Variants in HDAC8 observed in about 807,000 individuals in gnomAD.
The protein encoded by HDAC8 is histone deacetylase-like 1.
Under a neutral mutation model 32.2 loss-of-function variants are expected in HDAC8, and 1 was observed. The ratio of observed to expected loss-of-function variants is 0.03; its 90% confidence interval spans 0.01 to 0.15. The LOEUF is 0.15. Among genes scored for constraint, HDAC8 ranks in the 10% least tolerant of loss-of-function variants. HDAC8 has a pLI of 1.00. For synonymous variants in HDAC8, 108 were observed against 113.9 expected, an observed-to-expected ratio of 0.95 and a Z score of 0.33; for missense variants, 117 against 300.0, an observed-to-expected ratio of 0.39 and a Z score of 4.51.
intron 4 of HDAC8, among the ~76,000 whole-genome samples, chrX:72,547,730 T>C (rs782699216): frequency 9.0e-6 from 1 of 111,652 alleles, no homozygotes; most frequent in Non-Finnish European, 1.9e-5. Context: ...TGTACTTCCA[T>C]GTATAAAACA....
intron 9 of HDAC8, among the ~76,000 whole-genome samples, chrX:72,371,143 A>G (rs1251288894): frequency 8.9e-6 from 1 of 111,897 alleles, no homozygotes; most frequent in Non-Finnish European, 1.9e-5. Context: ...TTTATCAGCT[A>G]TGAAATGGTA....
intron 9 of HDAC8, among the ~76,000 whole-genome samples, chrX:72,416,276 T>G (rs782610759): frequency 1.6e-4 from 18 of 109,664 alleles, no homozygotes; most frequent in Non-Finnish European, 3.4e-4. Context: ...TTTTGAGGAA[T>G]GAGTCCATTT....
chrX:72,409,259 GTCT>G (rs1291726553), intron 9 of HDAC8, among the ~76,000 whole-genome samples: 2 of 111,866 alleles, frequency 1.8e-5, no homozygotes, highest in Non-Finnish European at 1.9e-5. Context: ...CTTTATAGAT[GTCT>G]TCTTCTCTCT....
intron 4 of HDAC8, among the ~76,000 whole-genome samples, chrX:72,540,449 C>T (rs1247569527): frequency 1.8e-5 from 2 of 111,170 alleles, no homozygotes; most frequent in African/African-American, 3.3e-5. Context: ...TAAATAGAAA[C>T]GAGAATGACG....
intron 4 of HDAC8, among the ~76,000 whole-genome samples, chrX:72,554,281 C>A (rs1273977925): frequency 9.0e-6 from 1 of 110,694 alleles, no homozygotes. Flanking sequence ...AACTTTTGCT[C>A]CTAAAACTAC....
At chrX:72,490,301 T>C (rs1245954416) in intron 6 of HDAC8, among the ~76,000 whole-genome samples, 1 of 109,887 alleles carries the variant, frequency 9.1e-6, no homozygotes, top group East Asian at 2.9e-4. Context: ...GACACATGCA[T>C]ACGTATGTTT....
At chrX:72,417,520 AAAG>A (rs1370714197) in intron 9 of HDAC8, among the ~76,000 whole-genome samples, 6 of 111,776 alleles carry the variant, frequency 5.4e-5, no homozygotes, top group East Asian at 2.8e-4. Context: ...CAGGGAGGTG[AAAG>A]ATTTCTACAA....
intron 9 of HDAC8, among the ~76,000 whole-genome samples, chrX:72,455,431 T>C (rs2047693313): frequency 8.9e-6 from 1 of 111,891 alleles, no homozygotes; most frequent in Non-Finnish European, 1.9e-5. Flanking sequence ...TAAACTGTGC[T>C]ATGGTGGTTG....
At chrX:72,560,440 C>G (rs1603235352) in intron 4 of HDAC8, among the ~76,000 whole-genome samples, 1 of 108,043 alleles carries the variant, frequency 9.3e-6, no homozygotes, top group African/African-American at 3.4e-5. Context: ...GCCGCAGGGT[C>G]CTCTGCCTAG....
chrX:72,429,027 T>C (rs1452411737), intron 9 of HDAC8, among the ~76,000 whole-genome samples: 10 of 109,576 alleles, frequency 9.1e-5, no homozygotes, highest in South Asian at 3.9e-4. Context: ...TTCTTTCTTT[T>C]TTTTTTTTTG....
At position 72,436,980 on chromosome X, in the gene HDAC8, T is replaced by C. The variant is rs185652290; in HGVS notation, c.1005+25024A>G. Among the ~76,000 whole-genome samples, 614 of 111,862 alleles carry C rather than the reference T, an allele frequency of 5.5e-3. 2 individuals carry two copies. Among genetic ancestry groups the C allele is most frequent in the African/African-American group, 0.018 (563 of 30,741 alleles). Reference sequence around the variant, plus strand: ...TACTATAGATAAATAAAAAATAAAATTCTTTAAAAATGCCCAAGTAACCCA... The same window carrying C: ...TACTATAGATAAATAAAAAATAAAACTCTTTAAAAATGCCCAAGTAACCCA... On this transcript the variant is annotated intron_variant, in intron 9 of 10. Transcript: ENST00000373573.
At chrX:72,446,945 T>G (rs1555985176) in intron 9 of HDAC8, among the ~76,000 whole-genome samples, 2 of 111,887 alleles carry the variant, frequency 1.8e-5, no homozygotes, top group African/African-American at 6.5e-5. Context: ...GAGACAGTAA[T>G]TAATAGCCTA....
In HDAC8 at chrX:72,480,464, T is replaced by C. The variant is rs782776263; in HGVS notation, c.737+8469A>G. The C allele has an allele frequency of 3.4e-5, 11 of 321,613 alleles. No homozygotes were observed. The East Asian group carries it at 1.0e-3, about 29-fold the overall frequency. The allele number at this position is 321,613 out of a possible 1,213,427, so 26.5% of individuals were successfully genotyped here. On this transcript the variant is annotated intron_variant, in intron 7 of 10. Transcript: ENST00000373573. ...AATGCTTTTACACTGTTGGTGGGAG[T>C]GTAAATTAGTTCAACCATTGTGGAA...
intron 4 of HDAC8, among the ~76,000 whole-genome samples, chrX:72,552,459 A>T (rs781976064): frequency 1.5e-4 from 17 of 111,442 alleles, no homozygotes; most frequent in Non-Finnish European, 2.4e-4. Context: ...AAAAGTAAAA[A>T]AATTAGCCAG....
At chrX:72,511,979 T>C (rs2049601868) in intron 4 of HDAC8, among the ~76,000 whole-genome samples, 1 of 112,192 alleles carries the variant, frequency 8.9e-6, no homozygotes, top group African/African-American at 3.2e-5. Flanking sequence ...AATAATAATA[T>C]GCACATATTC....
intron 9 of HDAC8, among the ~76,000 whole-genome samples, chrX:72,400,481 T>C (rs1555967040): frequency 8.9e-6 from 1 of 112,083 alleles, no homozygotes; most frequent in Non-Finnish European, 1.9e-5. Flanking sequence ...CTTTGAGTCC[T>C]TGTGTTCCCT....
At chrX:72,512,318 C>T (rs2049614606) in intron 4 of HDAC8, among the ~76,000 whole-genome samples, 1 of 111,937 alleles carries the variant, frequency 8.9e-6, no homozygotes, top group African/African-American at 3.2e-5. Context: ...GTGCTGAGGA[C>T]TCATTCAGTG....
At chrX:72,509,314 G>T (rs1484444769) in intron 4 of HDAC8, among the ~76,000 whole-genome samples, 1 of 110,631 alleles carries the variant, frequency 9.0e-6, no homozygotes, top group African/African-American at 3.3e-5. Flanking sequence ...TCACCATGTT[G>T]GCCAAATTGG....
chrX:72,390,022 A>AT (rs1405078839), intron 9 of HDAC8, among the ~76,000 whole-genome samples: 82 of 110,848 alleles, frequency 7.4e-4, no homozygotes, highest in African/African-American at 2.4e-3. Flanking sequence ...TTTTCCCTTA[A>AT]TTTTTTTTAA....
Sources: allele counts gnomAD v4.1 joint callset (sites outside exome capture counted in the v4.1 genomes callset), GRCh38; gene constraint gnomAD v4.1.1; transcripts MANE v1.5; gene names NCBI Gene and HGNC (gene_info 2026-07-23, HGNC 2026-07-21).